The following SULT2A1 variants were observed in gnomAD, a reference collection of about 807,000 sequenced individuals.
The protein encoded by SULT2A1 is sulfotransferase family 2A member 1, also known as sulfotransferase 2A1.
Under a neutral mutation model 33.9 loss-of-function variants are expected in SULT2A1, and 43 were observed. The observed-to-expected ratio is 1.27, with a 90% confidence interval of 1.00 to 1.64. SULT2A1 has a LOEUF of 1.64. Ranked by LOEUF, SULT2A1 falls within the 40% of genes most tolerant of loss-of-function variation. The pLI is 0.00. For missense variants in SULT2A1, 300 were observed against 335.1 expected (o/e 0.90, Z 0.82); for synonymous variants, 125 against 113.6 (o/e 1.10, Z -0.64).
At chr19:47,874,109 T>C (rs1968519123) in intron 5 of SULT2A1, among the ~76,000 whole-genome samples, 1 of 152,158 alleles carries the variant, frequency 6.6e-6, no homozygotes. Flanking sequence ...AAAGAGAATC[T>C]GAATGACCTC....
chr19:47,874,610 A>G, intron 5 of SULT2A1, 47 bp downstream of exon 5: 4 of 1,523,944 alleles, frequency 2.6e-6, no homozygotes, highest in Non-Finnish European at 3.6e-6. Context: ...ATAGGCATGC[A>G]TGCCGTGTAT....
intron 4 of SULT2A1, among the ~76,000 whole-genome samples, chr19:47,877,035 CCACTGCACTCCAGCCTGGG>C (rs1444389205): frequency 2.1e-5 from 3 of 143,986 alleles, no homozygotes; most frequent in Non-Finnish European, 1.5e-5. Context: ...CGAGATCGTG[CCACTGCACTCCAGCCTGGG>C]CGACAGAGCA....
At position 47,882,066 on chromosome 19, in the gene SULT2A1, A is replaced by C. The variant is rs760872474; in HGVS notation, c.472+18T>G. ...GCTAGAAGACTCCAAGCACCCCCAT[A>C]TTTTGTGAAACACTCACCAGTTCCT... On this transcript the variant is annotated intron_variant, in intron 3 of 5. Transcript: ENST00000222002. The C allele has an allele frequency of 9.4e-5, 151 of 1,612,672 alleles. No individual in the cohort carries two copies. Among genetic ancestry groups the C allele is most frequent in the Non-Finnish European group, 1.3e-4 (151 of 1,179,564 alleles).
chr19:47,874,618 T>A, intron 5 of SULT2A1, 39 bp downstream of exon 5: 1 of 1,575,550 alleles, frequency 6.3e-7, no homozygotes, highest in Non-Finnish European at 8.7e-7. Context: ...GCATGCCGTG[T>A]ATTCTGGTAT....
intron 5 of SULT2A1, among the ~76,000 whole-genome samples, chr19:47,873,754 G>A (rs1968515999): frequency 6.7e-6 from 1 of 150,348 alleles, no homozygotes; most frequent in African/African-American, 2.4e-5. Context: ...CTCCCGAGTA[G>A]CTGGGACCAC....
At chr19:47,883,829 C>A in intron 1 of SULT2A1, 44 bp from the exon 2 acceptor site, 1 of 1,573,126 alleles carries the variant, frequency 6.4e-7, no homozygotes. Flanking sequence ...ACCATCTCAG[C>A]CGGACATGGT....
chr19:47,882,083 C>T lies in SULT2A1; in HGVS notation c.472+1G>A, dbSNP rs1968609603. On this transcript the variant is annotated splice_donor_variant, in intron 3 of 5. Transcript: ENST00000222002. LOFTEE classifies it high-confidence loss of function. ...ACCCCCATATTTTGTGAAACACTCA[C>T]CAGTTCCTTGACAAAACCATTCAAA... 1.2e-6 allele frequency: 2 copies of T among 1,613,528 alleles called. No individual in the cohort carries two copies. The highest frequency in any genetic ancestry group is 1.7e-6 in the Non-Finnish European group (2 of 1,179,818).
In SULT2A1 at chr19:47,872,862, G is replaced by A. The variant is rs562833933; in HGVS notation, c.746-1295C>T. Among the ~76,000 whole-genome samples, 36 of 151,346 alleles carry A rather than the reference G, an allele frequency of 2.4e-4. No individual in the cohort carries two copies. The East Asian group carries it at 6.2e-3, about 26-fold the overall frequency. ...CAACCTCTGCCTCCTGGGTTCAAGC[G>A]ATTCTCATGTCTCAGCCCCACCCCA... On this transcript the variant is annotated intron_variant, in intron 5 of 5. Coordinates refer to ENST00000222002, the MANE Select transcript of SULT2A1 (RefSeq NM_003167.4).
At chr19:47,873,329 T>C (rs1368238835) in intron 5 of SULT2A1, among the ~76,000 whole-genome samples, 2 of 150,142 alleles carry the variant, frequency 1.3e-5, no homozygotes, top group Middle Eastern at 3.3e-3. Context: ...ACCACCACAC[T>C]TGGCTAATTT....
chr19:47,873,869 C>T (rs969726908), intron 5 of SULT2A1, among the ~76,000 whole-genome samples: 2 of 151,564 alleles, frequency 1.3e-5, no homozygotes, highest in Admixed American at 6.6e-5. Context: ...GTGATCCGCC[C>T]GCCTCGGCTT....
chr19:47,874,560 A>AAAAG, intron 5 of SULT2A1, 97 bp downstream of exon 5: 2 of 882,286 alleles, frequency 2.3e-6, no homozygotes, highest in Non-Finnish European at 3.3e-6. Context: ...AAAAAAAAAA[A>AAAAG]GCACTCTTTC....
intron 1 of SULT2A1, among the ~76,000 whole-genome samples, chr19:47,885,003 G>T (rs953313942): frequency 2.0e-5 from 3 of 151,932 alleles, no homozygotes; most frequent in Non-Finnish European, 4.4e-5. Context: ...TAGAGACGGG[G>T]TTTTGCCATG....
rs548105948 is a variant in SULT2A1, at chr19:47,886,276, C to A, written c.-19G>T. 7 of 1,613,040 alleles carry A rather than the reference C, an allele frequency of 4.3e-6. No individual in the cohort carries two copies. The highest frequency in any genetic ancestry group is 1.7e-5 in the Admixed American group (1 of 59,912). ...CCGACATGATGATGACCTCTTCCTG[C>A]GTGGTGTGAGGGTTTCAACTGTAGC... On this transcript the variant is annotated 5_prime_UTR_variant, in exon 1 of 6. Transcript: ENST00000222002.
At chr19:47,885,445 CAT>C (rs1480736993) in intron 1 of SULT2A1, among the ~76,000 whole-genome samples, 5 of 152,212 alleles carry the variant, frequency 3.3e-5, no homozygotes, top group African/African-American at 1.2e-4. Flanking sequence ...GGATGAATAA[CAT>C]TCCATTATAG....
At position 47,874,790 on chromosome 19, in the gene SULT2A1, C is replaced by A; in HGVS notation, c.612G>T (p.Lys204Asn). 6.2e-7 allele frequency: 1 copy of A among 1,614,098 alleles called. No individual in the cohort carries two copies. The change falls in exon 5 of 6, where the codon AAG becomes AAT. Residue 204 changes from lysine to asparagine, a missense_variant. Lys to Asn is a moderately conservative substitution (Grantham distance 94). Transcript: ENST00000222002. ...AGTTCAGTTCTTCGGGTTCTAACGT[C>A]TTTCCCAGGAATTGACAGATCTTCT... Reference protein sequence around the residue: ...TIEKICQFLGKTLEPEELNLI... With the variant: ...TIEKICQFLGNTLEPEELNLI...
At chr19:47,871,928 T>C (rs924904924) in intron 5 of SULT2A1, among the ~76,000 whole-genome samples, 1 of 152,100 alleles carries the variant, frequency 6.6e-6, no homozygotes, top group African/African-American at 2.4e-5. Flanking sequence ...TTTCTTTTTT[T>C]TTTTGTAGAG....
intron 5 of SULT2A1, 89 bp from the exon 6 acceptor site, chr19:47,871,656 A>G: frequency 1.2e-6 from 1 of 860,556 alleles, no homozygotes; most frequent in Non-Finnish European, 2.0e-6. Flanking sequence ...TGTAGCTAAC[A>G]TAGCAGAATG....
At chr19:47,878,957 C>T (rs1348214291) in intron 4 of SULT2A1, 79 bp downstream of exon 4, 8 of 922,742 alleles carry the variant, frequency 8.7e-6, no homozygotes, top group Non-Finnish European at 1.3e-5. Flanking sequence ...AATGAAGACA[C>T]AGCGGGATGG....
intron 5 of SULT2A1, 115 bp downstream of exon 5, chr19:47,874,541 GA>G (rs386389152): frequency 0.12 from 41,099 of 342,478 alleles, 259 homozygotes; most frequent in Non-Finnish European, 0.13. Flanking sequence ...CTTCATCTCG[GA>G]AAAAAAAAAA....
Sources: gnomAD v4.1 joint callset for allele counts (sites outside exome capture counted in the v4.1 genomes callset) on GRCh38, gnomAD v4.1.1 for gene constraint, MANE v1.5 for transcripts, NCBI Gene and HGNC (gene_info 2026-07-23, HGNC 2026-07-21) for gene names.